Variants in ABCC6 observed in about 807,000 individuals in gnomAD.
ABCC6 encodes ATP binding cassette subfamily C member 6, also known as ATP-binding cassette sub-family C member 6.
Under a neutral mutation model 169.5 loss-of-function variants are expected in ABCC6, and 126 were observed. The ratio of observed to expected loss-of-function variants is 0.74; its 90% confidence interval spans 0.64 to 0.86. The LOEUF (loss-of-function observed/expected upper bound fraction) is 0.86. Among genes scored for constraint, ABCC6 ranks in the 40% least tolerant of loss-of-function variants. The probability of loss-of-function intolerance (pLI) is 0.00; values close to 1 mark genes in which losing one functional copy is unlikely to be tolerated. For missense variants in ABCC6, 1,733 were observed against 1,927.2 expected (o/e 0.90, Z 1.89); for synonymous variants, 752 against 814.7 (o/e 0.92, Z 1.31).
intron 9 of ABCC6, among the ~76,000 whole-genome samples, chr16:16,199,727 C>T (rs866599379): frequency 2.3e-5 from 3 of 130,452 alleles, no homozygotes; most frequent in Middle Eastern, 4.0e-3. Context: ...GAGGCTTGCT[C>T]TCCCGGGCCT....
At chr16:16,202,684 A>C (rs908763699) in intron 8 of ABCC6, among the ~76,000 whole-genome samples, 1 of 152,108 alleles carries the variant, frequency 6.6e-6, no homozygotes, top group African/African-American at 2.4e-5. Context: ...AGCCAAGGAC[A>C]GAGGCCTCAG....
chr16:16,195,182 T>C (rs2047992138), intron 10 of ABCC6, among the ~76,000 whole-genome samples: 1 of 152,080 alleles, frequency 6.6e-6, no homozygotes, highest in African/African-American at 2.4e-5. Flanking sequence ...AACCTCAGTG[T>C]CCACTCCTCC....
chr16:16,198,223 C>G (rs200739347), intron 9 of ABCC6, 41 bp from the exon 10 acceptor site: 1 of 1,554,962 alleles, frequency 6.4e-7, no homozygotes. Flanking sequence ...GTGGGGAGGC[C>G]GGGGCAGAGG....
At chr16:16,202,422 A>G (rs1331753847) in intron 8 of ABCC6, among the ~76,000 whole-genome samples, 2 of 152,084 alleles carry the variant, frequency 1.3e-5, no homozygotes, top group Non-Finnish European at 2.9e-5. Context: ...CCCACTTGTT[A>G]TAGGCTAAAT....
At chr16:16,190,000 G>A (rs111483453) in intron 12 of ABCC6, among the ~76,000 whole-genome samples, 164 bp downstream of exon 12, 5 of 152,144 alleles carry the variant, frequency 3.3e-5, no homozygotes, top group African/African-American at 9.7e-5. Context: ...TGATTAATTA[G>A]TTCTTGTAGA....
At chr16:16,206,436 T>C (rs2048393325) in intron 7 of ABCC6, among the ~76,000 whole-genome samples, 1 of 151,664 alleles carries the variant, frequency 6.6e-6, no homozygotes, top group South Asian at 2.1e-4. Context: ...GCCAGTCTGA[T>C]AGCCTGAGCA....
intron 15 of ABCC6, 27 bp from the exon 16 acceptor site, chr16:16,182,957 C>G (rs371316451): frequency 6.2e-7 from 1 of 1,614,148 alleles, no homozygotes. Context: ...GGAGACATGA[C>G]CTTGGTTAGG....
At position 16,173,379 on chromosome 16, in the gene ABCC6, C is replaced by A. The variant is rs778911783; in HGVS notation, c.2692G>T (p.Asp898Tyr). 1 of 1,614,044 alleles carries A rather than the reference C, an allele frequency of 6.2e-7. No individual in the cohort carries two copies. Among genetic ancestry groups the A allele is most frequent in the South Asian group, 1.1e-5 (1 of 91,070 alleles). Residue 898 changes from aspartate to tyrosine, a missense_variant, in exon 21 of 31, where the codon GAC becomes TAC. By Grantham distance (160) the Asp-to-Tyr change is radical. This residue lies in a region of ABCC6 where 1,601 missense variants were observed against 1,635.5 expected (regional missense o/e 0.98). Transcript: ENST00000205557. ...ERSIKSVPEK[D>Y]RTTSEAQTEV... ...GTCTGGGCTTCTGAAGTGGTACGGT[C>A]CTTCTCAGGGACTGACTTGATGGAC...
intron 9 of ABCC6, 45 bp from the exon 10 acceptor site, chr16:16,198,227 G>A (rs755444514): frequency 1.9e-5 from 29 of 1,550,552 alleles, no homozygotes; most frequent in Non-Finnish European, 2.4e-5. Context: ...GGAGGCCGGG[G>A]CAGAGGGATG....
intron 5 of ABCC6, among the ~76,000 whole-genome samples, chr16:16,214,019 C>T (rs1776803766): frequency 6.7e-6 from 1 of 149,224 alleles, no homozygotes; most frequent in South Asian, 2.1e-4. Context: ...CAAATCTGGC[C>T]CACTGCCTGT....
At chr16:16,155,638 T>C (rs773883198) in intron 27 of ABCC6, 24 of 157,726 alleles carry the variant, frequency 1.5e-4, no homozygotes, top group Non-Finnish European at 2.8e-4. Flanking sequence ...CATGTGTCCA[T>C]TCTGTTATCC....
At chr16:16,216,086 C>CT (rs1360366314) in intron 4 of ABCC6, among the ~76,000 whole-genome samples, 3 of 151,928 alleles carry the variant, frequency 2.0e-5, no homozygotes, top group East Asian at 1.9e-4. Context: ...CGCCTGGCTA[C>CT]TTTTTTTGTA....
intron 26 of ABCC6, among the ~76,000 whole-genome samples, chr16:16,158,383 A>G (rs1476468602): frequency 6.6e-6 from 1 of 151,770 alleles, no homozygotes; most frequent in Admixed American, 6.6e-5. Context: ...CCATCCATCC[A>G]TTCATCCATC....
chr16:16,186,607 A>C (rs2047660376), intron 14 of ABCC6, among the ~76,000 whole-genome samples: 1 of 149,654 alleles, frequency 6.7e-6, no homozygotes. Flanking sequence ...ATAAGAATCT[A>C]ATGCCTGATG....
At chr16:16,155,174 C>A in intron 27 of ABCC6, 143 bp from the exon 28 acceptor site, 1 of 974,308 alleles carries the variant, frequency 1.0e-6, no homozygotes, top group African/African-American at 1.6e-5. Flanking sequence ...TTCCATCTGT[C>A]TACCTTTCTA....
chr16:16,202,314 T>G, intron 8 of ABCC6, 136 bp from the exon 9 acceptor site: 1 of 970,150 alleles, frequency 1.0e-6, no homozygotes, highest in South Asian at 1.5e-5. Context: ...GTCAGTGTGG[T>G]TTTTTTTGCA....
At chr16:16,177,140 C>T (rs1395851389) in intron 19 of ABCC6, among the ~76,000 whole-genome samples, 3 of 152,212 alleles carry the variant, frequency 2.0e-5, no homozygotes, top group African/African-American at 7.2e-5. Flanking sequence ...AGTGATTTAA[C>T]TCTCTTTGCC....
chr16:16,178,919 C>T lies in ABCC6; in HGVS notation c.2294G>A (p.Arg765Gln), dbSNP rs67561842. The change falls in exon 18 of 31, where the codon CGG (arginine) becomes CAG (glutamine). Residue 765 changes from arginine to glutamine, a missense_variant. Arg to Gln is a conservative substitution (Grantham distance 43). This residue lies in a region of ABCC6 where 1,601 missense variants were observed against 1,635.5 expected (regional missense o/e 0.98). Coordinates refer to ENST00000205557, the MANE Select transcript of ABCC6 (RefSeq NM_001171.6). The stretch of plus-strand genomic sequence containing the variant: ...CACAGCTGCCTTTCTGTATACAGCC[C>T]GGGCCAGGCTCAGCCGCTGCTTCTG... ...GGQKQRLSLA[R>Q]AVYRKAAVYL... 42 of 1,613,428 alleles carry T rather than the reference C, an allele frequency of 2.6e-5. No individual in the cohort carries two copies. The highest frequency in any genetic ancestry group is 6.6e-5 in the South Asian group (6 of 91,078).
chr16:16,156,507 T>A (rs1212330290), intron 27 of ABCC6, among the ~76,000 whole-genome samples: 1 of 152,006 alleles, frequency 6.6e-6, no homozygotes, highest in Admixed American at 6.6e-5. Flanking sequence ...GGCAGAGCAA[T>A]GAATGAGAGG....
Sources: gnomAD v4.1 joint callset for allele counts (sites outside exome capture counted in the v4.1 genomes callset) on GRCh38, gnomAD v4.1.1 for gene constraint, gnomAD v4.1.1 regional missense constraint, MANE v1.5 for transcripts, NCBI Gene and HGNC (gene_info 2026-07-23, HGNC 2026-07-21) for gene names.